PCDH15: variants seen among roughly 807,000 people sequenced by gnomAD.
PCDH15 encodes the protein protocadherin-15.
In PCDH15, 129 loss-of-function variants were observed where a neutral mutation model predicts 178.5. That is an observed-to-expected ratio of 0.72 (90% CI 0.63 to 0.84). The LOEUF is 0.84. PCDH15 is among the 40% of genes least tolerant of loss of function. PCDH15 has a pLI of 0.00. For synonymous variants in PCDH15, 800 were observed against 732.0 expected, an observed-to-expected ratio of 1.09 and a Z score of -1.50; for missense variants, 2,230 against 2,099.9, an observed-to-expected ratio of 1.06 and a Z score of -1.21.
intron 2 of PCDH15, among the ~76,000 whole-genome samples, chr10:54,968,916 A>C (rs1838863563): frequency 6.6e-6 from 1 of 151,974 alleles, no homozygotes; most frequent in Admixed American, 6.6e-5. Context: ...TGTTAATCCT[A>C]TCCAGTATAT....
intron 3 of PCDH15, among the ~76,000 whole-genome samples, chr10:54,877,313 A>G (rs1342860952): frequency 1.3e-5 from 2 of 152,158 alleles, no homozygotes; most frequent in South Asian, 2.1e-4. Flanking sequence ...CCTACACACA[A>G]TATCTTCACA....
chr10:54,282,136 C>T lies in PCDH15; in HGVS notation c.876+35135G>A, dbSNP rs115174705. Among the ~76,000 whole-genome samples the T allele has an allele frequency of 4.2e-3, 643 of 152,122 alleles. 8 individuals carry two copies. The highest frequency in any genetic ancestry group is 0.013 in the African/African-American group (531 of 41,500). On this transcript the variant is annotated intron_variant, in intron 8 of 37. Transcript: ENST00000644397. ...TCAATGGTACAAATTATCTAACTAG[C>T]TATATGTGACGACAGCAGTGGTTCT...
chr10:55,536,689 C>G (rs943578127), intron 2 of PCDH15, among the ~76,000 whole-genome samples: 6 of 152,098 alleles, frequency 3.9e-5, no homozygotes, highest in African/African-American at 1.2e-4. Context: ...TTTTCCTGCT[C>G]TCTCTTATTT....
At chr10:54,531,818 A>G (rs1490407512) in intron 2 of PCDH15, among the ~76,000 whole-genome samples, 1 of 152,084 alleles carries the variant, frequency 6.6e-6, no homozygotes, top group African/African-American at 2.4e-5. Context: ...TGCAATTTCA[A>G]AGTTGTCTTA....
intron 5 of PCDH15, among the ~76,000 whole-genome samples, chr10:54,356,451 T>C (rs1944990378): frequency 6.6e-6 from 1 of 151,890 alleles, no homozygotes. Context: ...TATTTTCAAC[T>C]TAATTTTCAT....
intron 2 of PCDH15, among the ~76,000 whole-genome samples, chr10:54,657,773 T>C (rs2094433349): frequency 6.6e-6 from 1 of 152,212 alleles, no homozygotes; most frequent in African/African-American, 2.4e-5. Context: ...AATCAATGCA[T>C]GAACTCTAGC....
At chr10:55,069,022 G>A (rs377241940) in intron 2 of PCDH15, among the ~76,000 whole-genome samples, 11 of 150,938 alleles carry the variant, frequency 7.3e-5, no homozygotes, top group South Asian at 2.1e-4. Flanking sequence ...CTCACCCTCC[G>A]AAGTAGCTGG....
At chr10:54,035,812 C>A (rs2093403805) in intron 18 of PCDH15, among the ~76,000 whole-genome samples, 1 of 151,912 alleles carries the variant, frequency 6.6e-6, no homozygotes, top group Non-Finnish European at 1.5e-5. Flanking sequence ...AAAAACTTGG[C>A]CTCTTGTGCC....
intron 8 of PCDH15, among the ~76,000 whole-genome samples, chr10:54,287,582 C>T (rs2059109621): frequency 6.6e-6 from 1 of 151,976 alleles, no homozygotes; most frequent in African/African-American, 2.4e-5. Flanking sequence ...TATATTTTTA[C>T]CTTTTTAAAA....
chr10:53,944,997 G>A (rs1480554654), intron 23 of PCDH15, among the ~76,000 whole-genome samples: 3 of 152,076 alleles, frequency 2.0e-5, no homozygotes, highest in Non-Finnish European at 4.4e-5. Context: ...AAAATCTACA[G>A]GCTTTGACTA....
intron 3 of PCDH15, among the ~76,000 whole-genome samples, chr10:54,817,223 A>T (rs1564534724): frequency 6.6e-6 from 1 of 152,044 alleles, no homozygotes; most frequent in African/African-American, 2.4e-5. Context: ...GAAAATGTGC[A>T]TGCCATACTA....
intron 2 of PCDH15, among the ~76,000 whole-genome samples, chr10:54,965,897 CATATA>C (rs1042922345): frequency 3.3e-4 from 49 of 150,668 alleles, no homozygotes; most frequent in Middle Eastern, 3.6e-3. Context: ...TATATGCACA[CATATA>C]ATATATTATG....
chr10:55,003,840 T>C (rs1382791268), intron 2 of PCDH15, among the ~76,000 whole-genome samples: 1 of 152,188 alleles, frequency 6.6e-6, no homozygotes, highest in African/African-American at 2.4e-5. Flanking sequence ...TGTGGTTAAG[T>C]TGACAATTTC....
In PCDH15 at chr10:54,240,626, CTTTTTTTTTTTT is replaced by C. The variant is rs1228784141; in HGVS notation, c.877-3707_877-3696del. ...AAATTCTGTTATTTATTTTCTTTTG[CTTTTTTTTTTTT>C]TTTTTTTTTTTGAGACAGAGTATCG... On this transcript the variant is annotated intron_variant, in intron 8 of 37. Coordinates refer to ENST00000644397, the MANE Select transcript of PCDH15 (RefSeq NM_001384140.1). Among the ~76,000 whole-genome samples, 232 of 79,692 alleles carry C rather than the reference CTTTTTTTTTTTT, an allele frequency of 2.9e-3. 2 individuals carry two copies. Among genetic ancestry groups the C allele is most frequent in the African/African-American group, 0.011 (224 of 20,852 alleles). 52.3% of individuals were successfully genotyped at this position (79,692 alleles called of 152,430 possible).
intron 1 of PCDH15, among the ~76,000 whole-genome samples, chr10:54,682,743 G>C (rs2094922156): frequency 6.6e-6 from 1 of 152,146 alleles, no homozygotes; most frequent in African/African-American, 2.4e-5. Flanking sequence ...CTACCCATGT[G>C]TGTGTGCATA....
intron 25 of PCDH15, among the ~76,000 whole-genome samples, chr10:53,913,983 C>T (rs1476451874): frequency 6.6e-6 from 1 of 152,112 alleles, no homozygotes; most frequent in Non-Finnish European, 1.5e-5. Context: ...CAAAAGAAGA[C>T]ATTTATGCAG....
intron 8 of PCDH15, among the ~76,000 whole-genome samples, chr10:54,298,221 G>T (rs559840321): frequency 1.3e-5 from 2 of 152,046 alleles, no homozygotes; most frequent in Non-Finnish European, 1.5e-5. Context: ...CTCACTAGAG[G>T]GTCTATTGAT....
chr10:54,025,247 G>T (rs975542558), intron 18 of PCDH15, among the ~76,000 whole-genome samples: 2 of 152,090 alleles, frequency 1.3e-5, no homozygotes, highest in Admixed American at 1.3e-4. Context: ...CACAAATTTA[G>T]CAGCTGACAC....
At chr10:55,101,428 C>A (rs1263194473) in intron 2 of PCDH15, among the ~76,000 whole-genome samples, 1 of 150,552 alleles carries the variant, frequency 6.6e-6, no homozygotes, top group Non-Finnish European at 1.5e-5. Context: ...TATGGCCACT[C>A]CTCTTATCTA....
Sources: gnomAD v4.1 joint callset for allele counts (sites outside exome capture counted in the v4.1 genomes callset) on GRCh38, gnomAD v4.1.1 for gene constraint, MANE v1.5 for transcripts, NCBI Gene and HGNC (gene_info 2026-07-23, HGNC 2026-07-21) for gene names.